The following PKHD1 variants were observed in gnomAD, a reference collection of about 807,000 sequenced individuals.
The protein encoded by PKHD1 is fibrocystin.
PKHD1 carries 291 observed loss-of-function variants against 412.0 expected under a neutral mutation model. That is an observed-to-expected ratio of 0.71 (90% CI 0.64 to 0.78). PKHD1 has a LOEUF of 0.78. Ranked by LOEUF, PKHD1 falls within the 30% of genes least tolerant of loss-of-function variation. The pLI is 0.00. For missense variants in PKHD1, 4,825 were observed against 4,950.7 expected (o/e 0.97, Z 0.76); for synonymous variants, 1,777 against 1,821.5 (o/e 0.98, Z 0.62).
intron 49 of PKHD1, among the ~76,000 whole-genome samples, chr6:51,854,968 C>A (rs1157995441): frequency 1.3e-5 from 2 of 152,204 alleles, no homozygotes; most frequent in Admixed American, 1.3e-4. Flanking sequence ...CCCCTCCCCG[C>A]GGGAGTTTGG....
intron 60 of PKHD1, among the ~76,000 whole-genome samples, chr6:51,673,644 A>G (rs1448794701): frequency 6.6e-6 from 1 of 152,228 alleles, no homozygotes; most frequent in Non-Finnish European, 1.5e-5. Flanking sequence ...GTGAAGAGCC[A>G]CGCTGATTAT....
chr6:52,058,675 T>A, intron 15 of PKHD1, 74 bp from the exon 16 acceptor site: 2 of 1,436,518 alleles, frequency 1.4e-6, no homozygotes, highest in East Asian at 4.5e-5. Flanking sequence ...ACTAAGTGTC[T>A]GAACTGCTAC....
In PKHD1 at chr6:51,817,132, G is replaced by T. The variant is rs567307164; in HGVS notation, c.8302+13729C>A. Among the ~76,000 whole-genome samples, 98 of 123,436 alleles carry T rather than the reference G, an allele frequency of 7.9e-4. 1 individual carries two copies. The highest frequency in any genetic ancestry group is 2.7e-3 in the African/African-American group (96 of 35,020). The allele number at this position is 123,436 out of a possible 152,430, so 81.0% of individuals were successfully genotyped here. On this transcript the variant is annotated intron_variant, in intron 52 of 66. Transcript: ENST00000371117. ...ATATTACCAGAACTCTGGGATCTTA[G>T]GGACAGACTTGTTTTTTGAGGGGTT...
rs190785873 is a variant in PKHD1, at chr6:51,840,861, A to G, written c.8108-4392T>C. On this transcript the variant is annotated intron_variant, in intron 50 of 66. Transcript: ENST00000371117. Reference sequence around the variant, plus strand: ...CATATTCCCAAGATGTTAAATGCACAATGGTTACTTTAGAGGCATAAAAAG... The same window carrying G: ...CATATTCCCAAGATGTTAAATGCACGATGGTTACTTTAGAGGCATAAAAAG... Among the ~76,000 whole-genome samples, 6 of 152,334 alleles carry G rather than the reference A, an allele frequency of 3.9e-5. No homozygotes were observed. The East Asian group carries it at 9.6e-4, about 24-fold the overall frequency.
At chr6:51,636,048 T>A (rs1309584622) in intron 64 of PKHD1, among the ~76,000 whole-genome samples, 3 of 152,052 alleles carry the variant, frequency 2.0e-5, no homozygotes, top group African/African-American at 7.2e-5. Flanking sequence ...TACTACAAAC[T>A]TACAGAAACC....
At chr6:51,871,282 C>T (rs550423311) in intron 46 of PKHD1, among the ~76,000 whole-genome samples, 33 of 152,088 alleles carry the variant, frequency 2.2e-4, no homozygotes, top group African/African-American at 5.1e-4. Context: ...TCAAGTGCAC[C>T]TCAATAAATG....
At position 52,028,328 on chromosome 6, in the gene PKHD1, C is replaced by T; in HGVS notation, c.3388G>A (p.Val1130Met). ...TCCGTATAGTTCATCAGCCTCGCCA[C>T]TCCAATGACCAGGGTCTCACCGCCT... ...IAGGETLVIG[V>M]ARLMNYTDLD... The change falls in exon 30 of 67, where the codon GTG (valine) becomes ATG (methionine). Residue 1130 changes from valine to methionine, a missense_variant. Coordinates refer to ENST00000371117, the MANE Select transcript of PKHD1 (RefSeq NM_138694.4). The T allele has an allele frequency of 6.2e-7, 1 of 1,613,912 alleles. No homozygotes were observed. Among genetic ancestry groups the T allele is most frequent in the Non-Finnish European group, 8.5e-7 (1 of 1,180,022 alleles).
chr6:52,064,993 G>A lies in PKHD1; in HGVS notation c.938C>T (p.Ala313Val), dbSNP rs148018626. 4 of 1,604,626 alleles carry A rather than the reference G, an allele frequency of 2.5e-6. No homozygotes were observed. The South Asian group carries it at 3.3e-5, about 13-fold the overall frequency. The part of the protein sequence containing the change: ...SPRKIECTTR[A>V]PGKDVRLTTP... The stretch of plus-strand genomic sequence containing the variant: ...GGTGAGCCTCACATCTTTTCCTGGA[G>A]CCCGAGTGGTGCACTCAATCTTCCT... The change falls in exon 13 of 67, where the codon GCT becomes GTT. Residue 313 changes from alanine to valine, a missense_variant. Ala to Val is a moderately conservative substitution (Grantham distance 64). Transcript: ENST00000371117.
chr6:51,856,914 T>C (rs1773400151), intron 48 of PKHD1, among the ~76,000 whole-genome samples: 1 of 152,202 alleles, frequency 6.6e-6, no homozygotes, highest in African/African-American at 2.4e-5. Flanking sequence ...GATGAGATCT[T>C]CCAAAAGCAG....
At chr6:52,027,574 G>A (rs1404593412) in intron 31 of PKHD1, among the ~76,000 whole-genome samples, 23 of 120,378 alleles carry the variant, frequency 1.9e-4, no homozygotes, top group South Asian at 2.8e-4. Flanking sequence ...AGGAGAAGAA[G>A]AAAAAGAAAA....
In PKHD1 at chr6:52,084,906, T is replaced by A. The variant is rs1812538097; in HGVS notation, c.28A>T (p.Ser10Cys). The A allele has an allele frequency of 6.2e-7, 1 of 1,607,416 alleles. No individual in the cohort carries two copies. The highest frequency in any genetic ancestry group is 2.2e-5 in the East Asian group (1 of 44,790). The change falls in exon 2 of 67, where the codon AGT becomes TGT. Residue 10 changes from serine (S) to cysteine (C), a missense_variant. By Grantham distance (112) the Ser-to-Cys change is moderately radical. Coordinates refer to ENST00000371117, the MANE Select transcript of PKHD1 (RefSeq NM_138694.4). ...CCTGCCAAAAGTAGTACTTCAATAC[T>A]CATCAGAGAGATCAGCCAGGCAGTC... is the stretch of plus-strand genomic sequence containing the variant. MTAWLISLM[S>C]IEVLLLAVRH...
intron 53 of PKHD1, among the ~76,000 whole-genome samples, chr6:51,777,679 GAAAAAAAAA>G (rs59379021): frequency 1.0e-4 from 12 of 118,796 alleles, no homozygotes; most frequent in Non-Finnish European, 1.4e-4. Context: ...GAGTCTTTGG[GAAAAAAAAA>G]AAAAAAAAAA....
At chr6:52,011,785 T>C (rs1214072325) in intron 34 of PKHD1, among the ~76,000 whole-genome samples, 1 of 152,226 alleles carries the variant, frequency 6.6e-6, no homozygotes, top group Non-Finnish European at 1.5e-5. Flanking sequence ...ACCTAAGACA[T>C]GACTTCCAAA....
At chr6:51,785,967 TAACA>T (rs1352687272) in intron 53 of PKHD1, among the ~76,000 whole-genome samples, 1 of 152,194 alleles carries the variant, frequency 6.6e-6, no homozygotes, top group Non-Finnish European at 1.5e-5. Flanking sequence ...TCTGGGTACT[TAACA>T]AACCAATGTA....
chr6:51,661,923 C>T (rs945696501), intron 60 of PKHD1, among the ~76,000 whole-genome samples: 12 of 151,790 alleles, frequency 7.9e-5, no homozygotes, highest in African/African-American at 2.9e-4. Context: ...TTCTTCCATC[C>T]ATATGATATA....
At chr6:51,801,511 C>T (rs1762903170) in intron 52 of PKHD1, among the ~76,000 whole-genome samples, 1 of 98,686 alleles carries the variant, frequency 1.0e-5, no homozygotes, top group Admixed American at 1.2e-4. Flanking sequence ...CTACTCTGCC[C>T]ATCATTTTTT....
At chr6:51,677,054 A>T (rs1437087279) in intron 60 of PKHD1, among the ~76,000 whole-genome samples, 1 of 152,154 alleles carries the variant, frequency 6.6e-6, no homozygotes, top group East Asian at 1.9e-4. Context: ...GGTAGTTCTA[A>T]TTATTATGAA....
At chr6:52,071,997 T>C (rs1019666611) in intron 8 of PKHD1, 118 bp downstream of exon 8, 11 of 733,928 alleles carry the variant, frequency 1.5e-5, no homozygotes, top group Middle Eastern at 2.3e-4. Flanking sequence ...GTGTGATTTA[T>C]ATTTTAAAAA....
In PKHD1 at chr6:51,984,857, G is replaced by A. The variant is rs572685440; in HGVS notation, c.5752-24831C>T. Among the ~76,000 whole-genome samples, 18 of 152,216 alleles carry A rather than the reference G, an allele frequency of 1.2e-4. No homozygotes were observed. In the East Asian group the frequency reaches 1.5e-3, roughly 13 times the overall value. The stretch of plus-strand genomic sequence containing the variant: ...CAAGGTTTTTATTCACCAAATTAAC[G>A]TTGGGTTACCCCTACAATACCAAGG... On this transcript the variant is annotated intron_variant, in intron 35 of 66. Transcript: ENST00000371117.
Sources: allele counts gnomAD v4.1 joint callset (sites outside exome capture counted in the v4.1 genomes callset), GRCh38; gene constraint gnomAD v4.1.1; transcripts MANE v1.5; gene names NCBI Gene and HGNC (gene_info 2026-07-23, HGNC 2026-07-21).